The following TRHDE variants were observed in gnomAD, a reference collection of about 807,000 sequenced individuals.
The protein encoded by TRHDE is thyrotropin releasing hormone degrading enzyme.
Under a neutral mutation model 125.7 loss-of-function variants are expected in TRHDE, and 72 were observed. That is an observed-to-expected ratio of 0.57 (90% CI 0.47 to 0.70). The LOEUF is 0.70. Ranked by LOEUF, TRHDE falls within the 30% of genes least tolerant of loss-of-function variation. TRHDE has a pLI of 0.00. For synonymous variants in TRHDE, 509 were observed against 509.1 expected (o/e 1.00, Z 0.00); for missense variants, 1,110 against 1,327.1 (o/e 0.84, Z 2.54).
At chr12:72,161,861 GT>G (rs1448063820) in intron 2 of TRHDE, among the ~76,000 whole-genome samples, 1 of 152,200 alleles carries the variant, frequency 6.6e-6, no homozygotes, top group Non-Finnish European at 1.5e-5. Context: ...CTTGATATGT[GT>G]TTTCATGGGT....
chr12:72,110,010 C>G (rs1875280144), intron 2 of TRHDE, among the ~76,000 whole-genome samples: 1 of 152,048 alleles, frequency 6.6e-6, no homozygotes, highest in Non-Finnish European at 1.5e-5. Context: ...TGAAACATCT[C>G]TCTGTTAAAA....
intron 3 of TRHDE, among the ~76,000 whole-genome samples, chr12:72,407,222 C>T (rs1041955244): frequency 5.9e-5 from 9 of 152,148 alleles, no homozygotes; most frequent in African/African-American, 2.2e-4. Context: ...GAGTCTCCTG[C>T]AGTTGGAAGC....
intron 2 of TRHDE, among the ~76,000 whole-genome samples, chr12:72,366,224 TG>T (rs1303163693): frequency 2.4e-4 from 36 of 152,124 alleles, no homozygotes; most frequent in Non-Finnish European, 4.4e-4. Context: ...TAGCTATCTT[TG>T]GGGGCCATCA....
intron 2 of TRHDE, among the ~76,000 whole-genome samples, chr12:72,181,982 A>T (rs1210719396): frequency 1.3e-5 from 2 of 152,218 alleles, no homozygotes; most frequent in African/African-American, 4.8e-5. Context: ...AATATTCAAC[A>T]TCTTTTAAAT....
chr12:72,214,114 C>T (rs1469782358), intron 2 of TRHDE, among the ~76,000 whole-genome samples: 1 of 151,912 alleles, frequency 6.6e-6, no homozygotes, highest in Non-Finnish European at 1.5e-5. Context: ...GTGGGAAGTG[C>T]CTTGGAAATG....
At chr12:72,194,981 G>T (rs1051439503) in intron 2 of TRHDE, among the ~76,000 whole-genome samples, 2 of 152,046 alleles carry the variant, frequency 1.3e-5, no homozygotes, top group Non-Finnish European at 2.9e-5. Context: ...AGTTTAATTG[G>T]CTCACAGTTC....
At chr12:72,557,144 A>C (rs1038967889) in intron 7 of TRHDE, among the ~76,000 whole-genome samples, 1 of 152,178 alleles carries the variant, frequency 6.6e-6, no homozygotes, top group Non-Finnish European at 1.5e-5. Flanking sequence ...CACATGGTGC[A>C]ATGTTGACAG....
chr12:72,355,212 A>G (rs1870760555), intron 2 of TRHDE, among the ~76,000 whole-genome samples: 1 of 151,586 alleles, frequency 6.6e-6, no homozygotes, highest in South Asian at 2.1e-4. Flanking sequence ...TTTGGGTTCC[A>G]AGGATGGTTT....
chr12:72,132,304 CA>C (rs528943490), intron 2 of TRHDE, among the ~76,000 whole-genome samples: 33 of 151,950 alleles, frequency 2.2e-4, no homozygotes, highest in Non-Finnish European at 4.0e-4. Context: ...GTTTCATAGC[CA>C]AAAAAGAGTT....
At chr12:72,570,578 CAAAAAAAAAAAAAAAA>C (rs572094533) in intron 10 of TRHDE, among the ~76,000 whole-genome samples, 1 of 58,456 alleles carries the variant, frequency 1.7e-5, no homozygotes, top group Non-Finnish European at 4.8e-5. Flanking sequence ...GAGACTGTCT[CAAAAAAAAAAAAAAAA>C]AAAAAAAAAA....
chr12:72,657,900 A>G (rs769153581), intron 18 of TRHDE, among the ~76,000 whole-genome samples: 2 of 152,194 alleles, frequency 1.3e-5, no homozygotes, highest in Non-Finnish European at 2.9e-5. Flanking sequence ...GACATTGAGA[A>G]TGATGGTTTT....
At chr12:72,294,282 A>G (rs1056744793) in intron 2 of TRHDE, among the ~76,000 whole-genome samples, 3 of 152,138 alleles carry the variant, frequency 2.0e-5, no homozygotes, top group African/African-American at 4.8e-5. Flanking sequence ...AGAATGAGGT[A>G]TGTAGGGGAG....
chr12:72,278,831 T>C (rs952290572), intron 1 of TRHDE, among the ~76,000 whole-genome samples: 3 of 152,224 alleles, frequency 2.0e-5, no homozygotes, highest in Admixed American at 1.3e-4. Context: ...TCATTATATG[T>C]TTTGGTCATT....
intron 15 of TRHDE, among the ~76,000 whole-genome samples, chr12:72,628,682 TATATG>T (rs1873359623): frequency 6.6e-6 from 1 of 151,858 alleles, no homozygotes; most frequent in Non-Finnish European, 1.5e-5. Context: ...AGAAAAATAA[TATATG>T]AAATGTAGTG....
intron 3 of TRHDE, among the ~76,000 whole-genome samples, chr12:72,435,379 G>A (rs1315533587): frequency 6.6e-6 from 1 of 152,064 alleles, no homozygotes; most frequent in African/African-American, 2.4e-5. Flanking sequence ...ATTGGCATTG[G>A]TGTTCTTTCA....
At chr12:72,534,582 ATGATAT>A (rs1314582060) in intron 6 of TRHDE, among the ~76,000 whole-genome samples, 1 of 151,918 alleles carries the variant, frequency 6.6e-6, no homozygotes, top group African/African-American at 2.4e-5. Flanking sequence ...GCATAAAAAG[ATGATAT>A]TGATGATGAT....
chr12:72,539,407 A>G (rs1365727443), intron 6 of TRHDE, among the ~76,000 whole-genome samples: 1 of 151,878 alleles, frequency 6.6e-6, no homozygotes, highest in African/African-American at 2.4e-5. Flanking sequence ...GAGGCAATAG[A>G]CTGTATATCC....
At chr12:72,421,979 G>A (rs1023763954) in intron 3 of TRHDE, among the ~76,000 whole-genome samples, 1 of 152,102 alleles carries the variant, frequency 6.6e-6, no homozygotes, top group Non-Finnish European at 1.5e-5. Context: ...GGATATATAT[G>A]TCTACCTTTA....
In TRHDE at chr12:72,486,818, G is replaced by A. The variant is rs145362682; in HGVS notation, c.1585-12680G>A. Among the ~76,000 whole-genome samples the A allele has an allele frequency of 9.4e-3, 1,426 of 152,092 alleles. 8 individuals carry two copies. The highest frequency in any genetic ancestry group is 0.013 in the Non-Finnish European group (853 of 67,976). On this transcript the variant is annotated intron_variant, in intron 5 of 18. Coordinates refer to ENST00000261180, the MANE Select transcript of TRHDE (RefSeq NM_013381.3). ...TTCAGTAACTAACCTGCAAAGAAAC[G>A]GAAATTTACAAATTGCCTAAAAAGG...
Sources: gnomAD v4.1 joint callset for allele counts (sites outside exome capture counted in the v4.1 genomes callset) on GRCh38, gnomAD v4.1.1 for gene constraint, MANE v1.5 for transcripts, NCBI Gene and HGNC (gene_info 2026-07-23, HGNC 2026-07-21) for gene names.